EMCN: variants seen among roughly 807,000 people sequenced by gnomAD.
EMCN encodes endomucin, also known as MUC-14.
A neutral mutation model predicts 38.4 loss-of-function variants in EMCN; 37 were observed. The ratio of observed to expected loss-of-function variants is 0.96; its 90% CI spans 0.74 to 1.27. The LOEUF (loss-of-function observed/expected upper bound fraction) is 1.27, where lower values mean the gene tolerates loss of function less well. Ranked by LOEUF, EMCN falls within the 50% of genes most tolerant of loss-of-function variation. The pLI, the probability that EMCN is intolerant of heterozygous loss-of-function variation, is 0.00. For missense variants in EMCN, 318 were observed against 302.8 expected (o/e 1.05, Z -0.37); for synonymous variants, 95 against 100.8 (o/e 0.94, Z 0.35).
intron 1 of EMCN, 49 bp from the exon 2 acceptor site, chr4:100,480,088 T>C: frequency 2.6e-6 from 4 of 1,533,260 alleles, no homozygotes; most frequent in Non-Finnish European, 3.6e-6. Context: ...AGTTTGCCAA[T>C]TAATAGACTA....
At chr4:100,473,460 C>G (rs1197598771) in intron 3 of EMCN, among the ~76,000 whole-genome samples, 1 of 121,310 alleles carries the variant, frequency 8.2e-6, no homozygotes, top group Non-Finnish European at 1.7e-5. Context: ...TAGACAAAAA[C>G]AAATCCAAGC....
chr4:100,459,987 G>T (rs1333819385), intron 4 of EMCN, among the ~76,000 whole-genome samples: 2 of 152,004 alleles, frequency 1.3e-5, no homozygotes, highest in East Asian at 1.9e-4. Flanking sequence ...TTTTAATTTT[G>T]GGGGAATATC....
intron 5 of EMCN, among the ~76,000 whole-genome samples, chr4:100,424,427 C>T (rs762956652): frequency 1.3e-5 from 2 of 152,050 alleles, no homozygotes; most frequent in Non-Finnish European, 2.9e-5. Context: ...CACTAAGAGG[C>T]ACTTCTTATG....
At chr4:100,473,932 G>A (rs1373348491) in intron 3 of EMCN, 2 of 153,024 alleles carry the variant, frequency 1.3e-5, no homozygotes, top group Admixed American at 1.3e-4. Flanking sequence ...TAGCTCAGTG[G>A]TTGGAGTGAG....
chr4:100,496,351 G>A (rs573340262), intron 1 of EMCN, among the ~76,000 whole-genome samples: 1 of 152,052 alleles, frequency 6.6e-6, no homozygotes, highest in Non-Finnish European at 1.5e-5. Flanking sequence ...AGCCTTCTAG[G>A]GAGAAAAAAA....
At chr4:100,413,790 C>T (rs1726632678) in intron 10 of EMCN, among the ~76,000 whole-genome samples, 1 of 152,112 alleles carries the variant, frequency 6.6e-6, no homozygotes, top group African/African-American at 2.4e-5. Flanking sequence ...AATAAAAGTA[C>T]CCAAGAATAT....
intron 5 of EMCN, among the ~76,000 whole-genome samples, chr4:100,445,026 G>C (rs1323686955): frequency 6.6e-6 from 1 of 152,116 alleles, no homozygotes; most frequent in African/African-American, 2.4e-5. Flanking sequence ...GTTTTGAGTT[G>C]ATCCCAACTA....
At chr4:100,418,571 CCTT>C (rs1726801461) in intron 8 of EMCN, among the ~76,000 whole-genome samples, 1 of 152,056 alleles carries the variant, frequency 6.6e-6, no homozygotes, top group East Asian at 1.9e-4. Flanking sequence ...TGGTAGCCAT[CCTT>C]CTACTCTCTA....
intron 3 of EMCN, among the ~76,000 whole-genome samples, chr4:100,469,063 G>T (rs1396981099): frequency 6.6e-6 from 1 of 151,942 alleles, no homozygotes; most frequent in Non-Finnish European, 1.5e-5. Flanking sequence ...AAAATAAAGA[G>T]TCCAGATATA....
chr4:100,421,409 G>T, intron 7 of EMCN, 32 bp from the exon 8 acceptor site: 1 of 1,555,640 alleles, frequency 6.4e-7, no homozygotes, highest in Non-Finnish European at 8.9e-7. Flanking sequence ...GTCAATTAGA[G>T]TGGCTACTGA....
chr4:100,423,457 G>T, intron 5 of EMCN, 53 bp from the exon 6 acceptor site: 1 of 1,285,672 alleles, frequency 7.8e-7, no homozygotes, highest in Non-Finnish European at 1.1e-6. Context: ...GCCTTCATAT[G>T]GGATTTCTTT....
rs185666053 is a variant in EMCN, at chr4:100,398,647, A to G, written c.*40-274T>C. Among the ~76,000 whole-genome samples the G allele has an allele frequency of 2.6e-5, 4 of 152,240 alleles. No homozygotes were observed. In the East Asian group the frequency reaches 7.7e-4, roughly 29 times the overall value. On this transcript the variant is annotated intron_variant, in intron 11 of 11. Transcript: ENST00000296420. ...TCCTCCATGATGCATTCAGGCACCC[A>G]GGCTGGGAGTGTGGGTATTGTCTAT...
intron 1 of EMCN, among the ~76,000 whole-genome samples, chr4:100,512,328 A>G (rs1560648019): frequency 6.6e-6 from 1 of 152,158 alleles, no homozygotes; most frequent in Non-Finnish European, 1.5e-5. Flanking sequence ...CCCTTTCTAG[A>G]TGTAATTGAC....
intron 4 of EMCN, among the ~76,000 whole-genome samples, chr4:100,451,507 T>C (rs539599315): frequency 3.3e-5 from 5 of 151,948 alleles, no homozygotes; most frequent in Non-Finnish European, 7.4e-5. Flanking sequence ...GGTTTAAATT[T>C]ATTCATTCAG....
intron 3 of EMCN, among the ~76,000 whole-genome samples, chr4:100,467,437 G>A (rs1056761041): frequency 3.3e-5 from 5 of 152,090 alleles, no homozygotes; most frequent in African/African-American, 1.2e-4. Context: ...CCAGCACTTT[G>A]GGAGGCCGAG....
intron 10 of EMCN, among the ~76,000 whole-genome samples, chr4:100,413,590 G>A (rs986840906): frequency 1.3e-5 from 2 of 152,296 alleles, no homozygotes; most frequent in Admixed American, 6.5e-5. Flanking sequence ...AATAAAAATT[G>A]TGGTAGTACA....
intron 4 of EMCN, among the ~76,000 whole-genome samples, chr4:100,460,067 C>T (rs1728133390): frequency 6.6e-6 from 1 of 152,244 alleles, no homozygotes; most frequent in African/African-American, 2.4e-5. Context: ...TCTCTTTTCT[C>T]TATATCTTTG....
chr4:100,406,132 C>G (rs751044557), intron 11 of EMCN, among the ~76,000 whole-genome samples: 3 of 151,518 alleles, frequency 2.0e-5, no homozygotes, highest in Non-Finnish European at 4.4e-5. Context: ...TCTCTTTTTT[C>G]ATTTTTAGTC....
At chr4:100,485,095 C>T (rs1019601812) in intron 1 of EMCN, among the ~76,000 whole-genome samples, 27 of 152,038 alleles carry the variant, frequency 1.8e-4, no homozygotes, top group Middle Eastern at 3.2e-3. Flanking sequence ...ATGCAAAATG[C>T]TAATTACCAG....
Sources: gnomAD v4.1 joint callset for allele counts (sites outside exome capture counted in the v4.1 genomes callset) on GRCh38, gnomAD v4.1.1 for gene constraint, MANE v1.5 for transcripts, NCBI Gene and HGNC (gene_info 2026-07-23, HGNC 2026-07-21) for gene names.